The following NCOR2 variants were observed in gnomAD, a reference collection of about 807,000 sequenced individuals.
The protein encoded by NCOR2 is CTG repeat protein 26.
In NCOR2, 81 loss-of-function variants were observed where a neutral mutation model predicts 262.9. The observed-to-expected ratio is 0.31, with a 90% CI of 0.26 to 0.37. The LOEUF (loss-of-function observed/expected upper bound fraction) is 0.37, where lower values mean the gene tolerates loss of function less well. Ranked by LOEUF, NCOR2 falls within the 10% of genes least tolerant of loss-of-function variation. The pLI is 1.00. For missense variants in NCOR2, 3,385 were observed against 3,621.4 expected (o/e 0.93, Z 1.68); for synonymous variants, 1,659 against 1,559.3 (o/e 1.06, Z -1.51).
intron 18 of NCOR2, among the ~76,000 whole-genome samples, chr12:124,376,486 C>A (rs539291807): frequency 6.6e-6 from 1 of 152,324 alleles, no homozygotes; most frequent in South Asian, 2.1e-4. Context: ...GACCCAGGAC[C>A]CAAAATGGGA....
At chr12:124,553,602 C>G (rs2051785106) in intron 1 of NCOR2, among the ~76,000 whole-genome samples, 1 of 152,220 alleles carries the variant, frequency 6.6e-6, no homozygotes, top group Non-Finnish European at 1.5e-5. Flanking sequence ...AGTCCAGCAT[C>G]TGATGAAAAC....
chr12:124,436,853 C>T (rs550461872), intron 8 of NCOR2, among the ~76,000 whole-genome samples: 18 of 152,212 alleles, frequency 1.2e-4, no homozygotes, highest in South Asian at 6.2e-4. Flanking sequence ...TTTGGGAGGC[C>T]GAGGCGGGTG....
intron 28 of NCOR2, among the ~76,000 whole-genome samples, chr12:124,349,139 G>A (rs950040595): frequency 2.6e-5 from 4 of 152,228 alleles, no homozygotes; most frequent in Admixed American, 6.5e-5. Flanking sequence ...TGGCAGGGGT[G>A]GCCTCGCCAG....
chr12:124,478,920 G>A (rs1343698851), intron 3 of NCOR2, among the ~76,000 whole-genome samples: 1 of 152,098 alleles, frequency 6.6e-6, no homozygotes, highest in Non-Finnish European at 1.5e-5. Context: ...GATCCCAGAG[G>A]GCGCACCACA....
intron 1 of NCOR2, among the ~76,000 whole-genome samples, chr12:124,507,597 A>C (rs2049121351): frequency 6.6e-6 from 1 of 152,184 alleles, no homozygotes. Flanking sequence ...CTGGGCAGCG[A>C]CTTGCACCTC....
chr12:124,360,024 G>C (rs1325692601), intron 22 of NCOR2, among the ~76,000 whole-genome samples: 2 of 152,236 alleles, frequency 1.3e-5, no homozygotes, highest in Non-Finnish European at 2.9e-5. Flanking sequence ...CCAACGGGCT[G>C]AGTGCCAGCC....
At chr12:124,387,640 G>A (rs948961851) in intron 16 of NCOR2, among the ~76,000 whole-genome samples, 3 of 152,222 alleles carry the variant, frequency 2.0e-5, no homozygotes, top group African/African-American at 7.2e-5. Flanking sequence ...GCTCCTCAGG[G>A]TTCCTCAAGG....
At chr12:124,422,407 C>A in intron 12 of NCOR2, 94 bp downstream of exon 14, 1 of 1,471,066 alleles carries the variant, frequency 6.8e-7, no homozygotes. Flanking sequence ...CAGGCCAGGG[C>A]CTTGTGGGCA....
At chr12:124,445,377 G>A (rs1194107099) in intron 7 of NCOR2, among the ~76,000 whole-genome samples, 1 of 152,212 alleles carries the variant, frequency 6.6e-6, no homozygotes, top group Non-Finnish European at 1.5e-5. Flanking sequence ...CCTGCAGCAG[G>A]GGACACCAGC....
intron 1 of NCOR2, among the ~76,000 whole-genome samples, chr12:124,511,955 T>C (rs1008228725): frequency 6.6e-6 from 1 of 152,222 alleles, no homozygotes; most frequent in Non-Finnish European, 1.5e-5. Context: ...AGGGTCTCAC[T>C]CTGTGGTCCA....
rs375394309 is a variant in NCOR2, at chr12:124,469,002, T to C, written c.592-2716A>G. ...ATCACCCTCATCCTCATCACCCCCA[T>C]CATCCTCATCCTCATCTGTCCATGT... On this transcript the variant is annotated intron_variant, in intron 4 of 46. Coordinates refer to ENST00000405201, the Ensembl canonical transcript of NCOR2. 1.6e-4 allele frequency among the ~76,000 whole-genome samples: 21 copies of C among 127,334 alleles called. 1 individual carries two copies. The South Asian group carries it at 6.0e-3, about 36-fold the overall frequency. 83.5% of individuals were successfully genotyped at this position (127,334 alleles called of 152,430 possible).
chr12:124,528,379 C>G (rs1190855471), intron 1 of NCOR2, among the ~76,000 whole-genome samples: 1 of 152,176 alleles, frequency 6.6e-6, no homozygotes, highest in African/African-American at 2.4e-5. Flanking sequence ...GCCTCCTTCC[C>G]CGAAAAGTCA....
intron 13 of NCOR2, among the ~76,000 whole-genome samples, chr12:124,417,663 C>A (rs547253906): frequency 1.3e-5 from 2 of 152,188 alleles, no homozygotes; most frequent in Non-Finnish European, 2.9e-5. Flanking sequence ...TAATCCCCAC[C>A]GCTCCCTGCT....
At chr12:124,526,656 C>T (rs188008361) in intron 1 of NCOR2, among the ~76,000 whole-genome samples, 177 of 152,316 alleles carry the variant, frequency 1.2e-3, no homozygotes, top group Middle Eastern at 6.8e-3. Context: ...CTCTCCCCCG[C>T]GGACAGACAG....
intron 1 of NCOR2, chr12:124,513,713 A>G (rs574384537): frequency 2.0e-5 from 3 of 152,166 alleles, no homozygotes; most frequent in African/African-American, 7.2e-5. Flanking sequence ...TGGAATGCTC[A>G]CCTCGCCTTG....
At chr12:124,426,428 G>GC (rs2043553532) in intron 11 of NCOR2, among the ~76,000 whole-genome samples, 194 bp downstream of exon 13, 1 of 152,190 alleles carries the variant, frequency 6.6e-6, no homozygotes, top group Non-Finnish European at 1.5e-5. Flanking sequence ...CTCCCTTACG[G>GC]CCCCCAGAAA....
At chr12:124,340,937 C>T (rs1403157564) in intron 34 of NCOR2, among the ~76,000 whole-genome samples, 186 bp from the exon 37 acceptor site, 2 of 152,220 alleles carry the variant, frequency 1.3e-5, no homozygotes, top group African/African-American at 4.8e-5. Flanking sequence ...CAGGTTCTCT[C>T]GGTACCACCT....
intron 27 of NCOR2, among the ~76,000 whole-genome samples, chr12:124,353,264 C>T (rs1292785054): frequency 1.3e-5 from 2 of 152,348 alleles, no homozygotes; most frequent in South Asian, 2.1e-4. Flanking sequence ...CAGGGCAGGC[C>T]GCTGCCTGTC....
At chr12:124,558,266 AC>A (rs11428567) in intron 1 of NCOR2, among the ~76,000 whole-genome samples, 18 of 113,076 alleles carry the variant, frequency 1.6e-4, no homozygotes, top group Non-Finnish European at 3.1e-4. Flanking sequence ...TCTCCCACCC[AC>A]CCCCCCTCCA....
Sources: allele counts gnomAD v4.1 joint callset (sites outside exome capture counted in the v4.1 genomes callset), GRCh38; gene constraint gnomAD v4.1.1; transcripts MANE v1.5; gene names NCBI Gene and HGNC (gene_info 2026-07-23, HGNC 2026-07-21).